Variants in ZNF248 observed in about 807,000 individuals in gnomAD.
The protein encoded by ZNF248 is KRAB protein domain.
ZNF248 carries 20 observed loss-of-function variants against 44.3 expected under a neutral mutation model. That is an observed-to-expected ratio of 0.45 (90% CI 0.32 to 0.66). ZNF248 has a LOEUF of 0.66. ZNF248 is among the 30% of genes least tolerant of loss of function. The pLI is 0.04. For missense variants in ZNF248, 654 were observed against 677.0 expected (o/e 0.97, Z 0.38); for synonymous variants, 224 against 229.0 (o/e 0.98, Z 0.20).
rs1428316680 is a variant in ZNF248, at chr10:37,846,774, TAG to T, written c.16-8665_16-8664del. Among the ~76,000 whole-genome samples the T allele has an allele frequency of 8.5e-5, 13 of 152,154 alleles. No homozygotes were observed. In the East Asian group the frequency reaches 2.1e-3, roughly 25 times the overall value. ...TCAATCAGGATTAAGTTCAACTACT[TAG>T]AGAAAATACAGGGATCACAGAAACA... On this transcript the variant is annotated intron_variant, in intron 3 of 5. Coordinates refer to ENST00000395867, the MANE Select transcript of ZNF248 (RefSeq NM_021045.3).
At chr10:37,759,151 G>C in the ZNF248 span, among the ~76,000 whole-genome samples, 10 of 152,208 alleles carry the variant, frequency 6.6e-5, no homozygotes, top group Admixed American at 6.5e-4. Flanking sequence ...TCTCAGAGCA[G>C]ATTTGAAAAG....
chr10:37,780,801 C>A lies in ZNF248; in HGVS notation c.331-4226G>T, dbSNP rs549108770. Among the ~76,000 whole-genome samples the A allele has an allele frequency of 1.9e-4, 29 of 152,296 alleles. No homozygotes were observed. In the South Asian group the frequency reaches 5.6e-3, roughly 29 times the overall value. On this transcript the variant is annotated intron_variant, in intron 6 of 6. Transcript: ENST00000615949. Reference sequence around the variant, plus strand: ...CACTGCCCCCGAGCCGCGCGGGACCCTGGTCCTAGCCCAAACCTCCTCAGC... The same window carrying A: ...CACTGCCCCCGAGCCGCGCGGGACCATGGTCCTAGCCCAAACCTCCTCAGC...
chr10:37,853,522 C>T (rs527982760), intron 3 of ZNF248, among the ~76,000 whole-genome samples: 278 of 152,188 alleles, frequency 1.8e-3, no homozygotes, highest in Non-Finnish European at 2.9e-3. Context: ...GGACTACAGG[C>T]GCCTGCCACC....
At chr10:37,804,460 G>C (rs1194554268) in intron 6 of ZNF248, among the ~76,000 whole-genome samples, 1 of 147,874 alleles carries the variant, frequency 6.8e-6, no homozygotes, top group African/African-American at 2.5e-5. Flanking sequence ...TTGAGACAAG[G>C]TCTCACTCTG....
Position 37,856,342 on chromosome 10 carries a change from A to G in ZNF248, c.-27-5T>C. ...CTCTTAGTGGAGGAAGGAGAGCTGA[A>G]GGATTAGAAAGGAAGAATGTCAGGA... On this transcript the variant is annotated splice_region_variant and splice_polypyrimidine_tract_variant and intron_variant, in intron 2 of 5. Transcript: ENST00000395867. 6.2e-7 allele frequency: 1 copy of G among 1,613,402 alleles called. No individual in the cohort carries two copies. Among genetic ancestry groups the G allele is most frequent in the Non-Finnish European group, 8.5e-7 (1 of 1,179,746 alleles).
chr10:37,767,167 CG>C, the ZNF248 span, among the ~76,000 whole-genome samples: 2 of 152,054 alleles, frequency 1.3e-5, no homozygotes, highest in Non-Finnish European at 2.9e-5. Flanking sequence ...CTGAAAGTGA[CG>C]GGGAGAAAGG....
chr10:37,817,309 G>C (rs2052649975), intron 6 of ZNF248, among the ~76,000 whole-genome samples: 1 of 151,986 alleles, frequency 6.6e-6, no homozygotes, highest in Non-Finnish European at 1.5e-5. Context: ...GTTAGTTGCT[G>C]TATGCCCTAA....
chr10:37,783,479 A>C (rs910371106), intron 6 of ZNF248, among the ~76,000 whole-genome samples: 1 of 152,232 alleles, frequency 6.6e-6, no homozygotes, highest in African/African-American at 2.4e-5. Context: ...TATATAGGGC[A>C]CCAAAAGTGC....
At chr10:37,798,822 A>T (rs186784668) in intron 6 of ZNF248, among the ~76,000 whole-genome samples, 15 of 152,310 alleles carry the variant, frequency 9.8e-5, no homozygotes, top group African/African-American at 3.4e-4. Context: ...CAGGTATAGA[A>T]GTCAGAATTC....
intron 1 of ZNF248, chr10:37,856,844 C>T: frequency 2.4e-6 from 1 of 417,472 alleles, no homozygotes; most frequent in South Asian, 1.0e-4. Context: ...AGCAGTGGCT[C>T]GGGAAACTGC....
At chr10:37,790,219 C>T (rs1451863675) in intron 6 of ZNF248, among the ~76,000 whole-genome samples, 1 of 148,728 alleles carries the variant, frequency 6.7e-6, no homozygotes, top group East Asian at 2.0e-4. Flanking sequence ...TGCAGTGAGC[C>T]GAGATCGCGC....
downstream of ZNF248, among the ~76,000 whole-genome samples, chr10:37,826,550 T>G (rs1187288512): frequency 6.6e-6 from 1 of 152,208 alleles, no homozygotes; most frequent in Non-Finnish European, 1.5e-5. Context: ...TTTGAAAACT[T>G]AGGTAACTTT....
intron 6 of ZNF248, among the ~76,000 whole-genome samples, chr10:37,822,637 T>C (rs574382671): frequency 6.9e-6 from 1 of 144,094 alleles, no homozygotes; most frequent in Admixed American, 6.8e-5. Flanking sequence ...AGATCAGGGG[T>C]GTCCAATCTT....
intron 5 of ZNF248, among the ~76,000 whole-genome samples, chr10:37,833,339 T>C (rs915941620): frequency 2.6e-5 from 4 of 152,172 alleles, no homozygotes; most frequent in African/African-American, 9.6e-5. Context: ...GGCAATGATA[T>C]TTAACACTTT....
In ZNF248 at chr10:37,832,544, CATA is replaced by C; in HGVS notation, c.808_810del (p.Tyr270del). 6.2e-7 allele frequency: 1 copy of C among 1,613,902 alleles called. No homozygotes were observed. ...AAGGACTTCCCGCAAATACTGCATC[CATA>C]CGGCTCCATTTCCAAATGAGGTCTT... On this transcript the variant is annotated inframe_deletion, in exon 6 of 6. Coordinates refer to ENST00000395867, the MANE Select transcript of ZNF248 (RefSeq NM_021045.3).
At chr10:37,795,100 A>G (rs1362466681) in intron 6 of ZNF248, 1 of 152,238 alleles carries the variant, frequency 6.6e-6, no homozygotes, top group East Asian at 1.9e-4. Context: ...CAATTCTCTT[A>G]AAGTTTGAAA....
In ZNF248 at chr10:37,833,028, TTTG is replaced by T. The variant is rs1193215423; in HGVS notation, c.324_326del (p.Asn108del). ...TATCTCCATTTTCTACACTTACTGT[TTTG>T]TTGTTGTGGAATAGAAGCTCCCAAA... On this transcript the variant is annotated inframe_deletion, in exon 6 of 6. Coordinates refer to ENST00000395867, the MANE Select transcript of ZNF248 (RefSeq NM_021045.3). The T allele has an allele frequency of 6.2e-7, 1 of 1,613,708 alleles. No homozygotes were observed. The highest frequency in any genetic ancestry group is 8.5e-7 in the Non-Finnish European group (1 of 1,179,778).
intron 6 of ZNF248, chr10:37,820,529 G>C: frequency 6.2e-7 from 1 of 1,602,118 alleles, no homozygotes; most frequent in Non-Finnish European, 8.5e-7. Flanking sequence ...TCGTGCAACT[G>C]GTGCAACACT....
chr10:37,831,902 T>C lies in ZNF248; in HGVS notation c.1453A>G (p.Thr485Ala), dbSNP rs760936057. 1 of 1,614,122 alleles carries C rather than the reference T, an allele frequency of 6.2e-7. No individual in the cohort carries two copies. The highest frequency in any genetic ancestry group is 1.1e-5 in the South Asian group (1 of 91,086). Residue 485 changes from threonine (T) to alanine (A), a missense_variant, in exon 6 of 6, where the codon ACA (threonine) becomes GCA (alanine). Transcript: ENST00000395867. ...HRSALTVHQR[T>A]HTGEKPFICN... ...ATAAACGGTTTCTCCCCTGTGTGTG[T>C]TCTCTGATGCACAGTGAGGGCTGAT... is the stretch of plus-strand genomic sequence containing the variant.
Sources: allele counts gnomAD v4.1 joint callset (sites outside exome capture counted in the v4.1 genomes callset), GRCh38; gene constraint gnomAD v4.1.1; transcripts MANE v1.5; gene names NCBI Gene and HGNC (gene_info 2026-07-23, HGNC 2026-07-21).